The following FAM184B variants were observed in gnomAD, a reference collection of about 807,000 sequenced individuals.
FAM184B encodes family with sequence similarity 184 member B, also known as protein FAM184B.
Under a neutral mutation model 135.9 loss-of-function variants are expected in FAM184B, and 111 were observed. The observed-to-expected ratio is 0.82, with a 90% CI of 0.70 to 0.96. The LOEUF (loss-of-function observed/expected upper bound fraction) is 0.96. Among genes scored for constraint, FAM184B ranks in the 40% least tolerant of loss-of-function variants. FAM184B has a pLI of 0.00. For missense variants in FAM184B, 1,375 were observed against 1,323.9 expected, an observed-to-expected ratio of 1.04 and a Z score of -0.60; for synonymous variants, 552 against 524.8, an observed-to-expected ratio of 1.05 and a Z score of -0.71.
rs1395922138 is a variant in FAM184B at position 17,664,588 on chromosome 4, T to G, written c.1668A>C (p.Glu556Asp). 3.2e-6 allele frequency: 5 copies of G among 1,551,820 alleles called. No individual in the cohort carries two copies. The highest frequency in any genetic ancestry group is 2.6e-6 in the Non-Finnish European group (3 of 1,146,968). ...TTTCTTCTTCATCACTGCTGGTTCCTTCTTCAGCTGCTAACTTATCTTGAT... is the reference window on the plus strand; with the variant it reads ...TTTCTTCTTCATCACTGCTGGTTCCGTCTTCAGCTGCTAACTTATCTTGAT... ...EEYQDKLAAE[E>D]GTSSDEEERT... Residue 556 changes from glutamate to aspartate, a missense_variant, in exon 8 of 18, where the codon GAA (glutamate) becomes GAC (aspartate). Transcript: ENST00000265018.
chr4:17,747,229 A>C (rs966332517), intron 1 of FAM184B, among the ~76,000 whole-genome samples: 11 of 151,952 alleles, frequency 7.2e-5, no homozygotes, highest in African/African-American at 2.7e-4. Flanking sequence ...TTCAGCAGGT[A>C]ATAAAGAATG....
chr4:17,739,555 G>GTTTTTTTTTGTTTTTTTTTTTTTTTTTT (rs1553841417), intron 1 of FAM184B, among the ~76,000 whole-genome samples: 3 of 62,510 alleles, frequency 4.8e-5, no homozygotes, highest in African/African-American at 1.8e-4. Context: ...CATACCAACT[G>GTTTTTTTTTGTTTTTTTTTTTTTTTTTT]TTTTTTTTTT....
chr4:17,651,162 A>T (rs1310670692), intron 11 of FAM184B, among the ~76,000 whole-genome samples: 3 of 152,216 alleles, frequency 2.0e-5, no homozygotes, highest in Non-Finnish European at 4.4e-5. Context: ...AGTAAGAAAG[A>T]TGACAGTAAA....
chr4:17,663,844 T>C (rs1031996001), intron 8 of FAM184B, among the ~76,000 whole-genome samples: 4 of 152,086 alleles, frequency 2.6e-5, no homozygotes, highest in African/African-American at 4.8e-5. Flanking sequence ...ATGCTGTTCT[T>C]GTGATAGTGA....
At chr4:17,637,768 T>C (rs953984922) in intron 14 of FAM184B, among the ~76,000 whole-genome samples, 1 of 152,230 alleles carries the variant, frequency 6.6e-6, no homozygotes, top group Admixed American at 6.5e-5. Context: ...TTCACCTGTT[T>C]GGACCTGGCT....
chr4:17,671,406 A>G (rs1189090167), intron 7 of FAM184B, among the ~76,000 whole-genome samples: 3 of 152,174 alleles, frequency 2.0e-5, no homozygotes, highest in East Asian at 3.9e-4. Flanking sequence ...GGTAGATACC[A>G]TAGCTCCTCC....
At chr4:17,640,719 A>T (rs1577242236) in intron 13 of FAM184B, among the ~76,000 whole-genome samples, 1 of 152,344 alleles carries the variant, frequency 6.6e-6, no homozygotes, top group East Asian at 1.9e-4. Flanking sequence ...TCACTTAAGA[A>T]ATAGATAATA....
At chr4:17,646,978 G>T (rs1270058011) in intron 12 of FAM184B, among the ~76,000 whole-genome samples, 2 of 152,268 alleles carry the variant, frequency 1.3e-5, no homozygotes, top group East Asian at 3.9e-4. Flanking sequence ...TCTAGATGGA[G>T]CCTGTCTGGT....
intron 1 of FAM184B, among the ~76,000 whole-genome samples, chr4:17,761,701 A>G (rs1167624061): frequency 6.6e-6 from 1 of 152,078 alleles, no homozygotes; most frequent in Non-Finnish European, 1.5e-5. Context: ...TTGTATTTTT[A>G]TTAGAGAAGG....
rs1274032474 is a variant in FAM184B at position 17,629,729 on chromosome 4, G to A, written c.*2803C>T. The A allele has an allele frequency of 3.3e-5, 5 of 152,092 alleles. No individual in the cohort carries two copies. The highest frequency in any genetic ancestry group is 7.2e-5 in the African/African-American group (3 of 41,388). The allele number at this position is 152,092 out of a possible 1,614,324, so 9.4% of individuals were successfully genotyped here. A position where few individuals can be genotyped will look rare whatever the true frequency, so the allele number is the denominator to read the frequency against. On this transcript the variant is annotated 3_prime_UTR_variant, in exon 18 of 18. Coordinates refer to ENST00000265018, the MANE Select transcript of FAM184B (RefSeq NM_015688.2). ...ACGCCATCACTGTCATCTCTAGACCGCTCTGCTGTTGAGAGATTGATGGAA... is the reference window on the plus strand; with the variant it reads ...ACGCCATCACTGTCATCTCTAGACCACTCTGCTGTTGAGAGATTGATGGAA...
chr4:17,643,023 T>A (rs2108931501), intron 12 of FAM184B, among the ~76,000 whole-genome samples: 2 of 152,362 alleles, frequency 1.3e-5, no homozygotes, highest in Non-Finnish European at 2.9e-5. Context: ...GTCTCTGCCT[T>A]CCTGCTCTGG....
At chr4:17,725,741 T>C (rs998151189) in intron 1 of FAM184B, among the ~76,000 whole-genome samples, 1 of 152,200 alleles carries the variant, frequency 6.6e-6, no homozygotes, top group African/African-American at 2.4e-5. Context: ...TGGCATTTAG[T>C]ACATATTCCT....
Position 17,688,670 on chromosome 4 carries a change from C to G in FAM184B, c.1489-139G>C, listed in dbSNP as rs1430883395. ...CATTAGACAAATTCTACACACACTT[C>G]TAGAAATGCCTTTTTTTTTTTTTTT... On this transcript the variant is annotated intron_variant, in intron 6 of 17. Coordinates refer to ENST00000265018, the MANE Select transcript of FAM184B (RefSeq NM_015688.2). 4 of 254,414 alleles carry G rather than the reference C, an allele frequency of 1.6e-5. No individual in the cohort carries two copies. The East Asian group carries it at 2.8e-4, about 18-fold the overall frequency. The allele number at this position is 254,414 out of a possible 1,614,324, so 15.8% of individuals were successfully genotyped here. A position where few individuals can be genotyped will look rare whatever the true frequency, so the allele number is the denominator to read the frequency against.
intron 6 of FAM184B, 71 bp downstream of exon 6, chr4:17,693,231 C>T: frequency 8.2e-7 from 1 of 1,216,180 alleles, no homozygotes; most frequent in Non-Finnish European, 1.2e-6. Flanking sequence ...AAATTCTTGG[C>T]TTCTCAGTTA....
intron 1 of FAM184B, among the ~76,000 whole-genome samples, chr4:17,711,765 G>A (rs1253160644): frequency 1.3e-5 from 2 of 152,186 alleles, no homozygotes; most frequent in African/African-American, 4.8e-5. Flanking sequence ...CAAGAGCCGT[G>A]AGAACACGTC....
intron 1 of FAM184B, among the ~76,000 whole-genome samples, chr4:17,759,097 ATTAAGT>A (rs1718485615): frequency 1.3e-5 from 2 of 152,322 alleles, no homozygotes; most frequent in African/African-American, 4.8e-5. Flanking sequence ...TTGAACTTCC[ATTAAGT>A]GTAGAGTTAG....
intron 8 of FAM184B, among the ~76,000 whole-genome samples, chr4:17,663,925 G>A (rs1310934455): frequency 6.6e-6 from 1 of 151,358 alleles, no homozygotes; most frequent in Non-Finnish European, 1.5e-5. Context: ...TCTCTCACCT[G>A]CCGCCATGTA....
Position 17,636,562 on chromosome 4 carries a change from A to C in FAM184B, c.2750T>G (p.Leu917Arg). Residue 917 changes from leucine (L) to arginine (R), a missense_variant, in exon 15 of 18, where the codon CTG becomes CGG. Transcript: ENST00000265018. ...LQLIGRLQTR[L>R]KEREDIIKQL... Reference sequence around the variant, plus strand: ...CTTGATGATGTCCTCTCTCTCCTTCAGGCGGGTCTGCAGGCGGCCAATGAG... The same window carrying C: ...CTTGATGATGTCCTCTCTCTCCTTCCGGCGGGTCTGCAGGCGGCCAATGAG... 23 of 1,551,024 alleles carry C rather than the reference A, an allele frequency of 1.5e-5. No individual in the cohort carries two copies. The highest frequency in any genetic ancestry group is 2.0e-5 in the Non-Finnish European group (23 of 1,146,842).
intron 1 of FAM184B, among the ~76,000 whole-genome samples, chr4:17,754,005 G>T (rs1340060227): frequency 6.6e-6 from 1 of 152,122 alleles, no homozygotes; most frequent in African/African-American, 2.4e-5. Flanking sequence ...TTTACAGTAA[G>T]TATGGCTCCT....
Sources: gnomAD v4.1 joint callset for allele counts (sites outside exome capture counted in the v4.1 genomes callset) on GRCh38, gnomAD v4.1.1 for gene constraint, MANE v1.5 for transcripts, NCBI Gene and HGNC (gene_info 2026-07-23, HGNC 2026-07-21) for gene names.